Variants in HSPG2 observed in about 807,000 individuals in gnomAD.
HSPG2 encodes basement membrane-specific heparan sulfate proteoglycan core protein.
In HSPG2, 278 loss-of-function variants were observed where a neutral mutation model predicts 526.6. That is an observed-to-expected ratio of 0.53 (90% CI 0.48 to 0.58). The LOEUF is 0.58. Among genes scored for constraint, HSPG2 ranks in the 20% least tolerant of loss-of-function variants. The pLI is 0.00. For synonymous variants in HSPG2, 2,465 were observed against 2,555.4 expected, an observed-to-expected ratio of 0.96 and a Z score of 1.07; for missense variants, 5,354 against 6,099.5, an observed-to-expected ratio of 0.88 and a Z score of 4.07.
At chr1:21,830,448 A>T in intron 85 of HSPG2, 1 of 339,858 alleles carries the variant, frequency 2.9e-6, no homozygotes, top group Non-Finnish European at 5.7e-6. Flanking sequence ...GCACTTTGGG[A>T]GGCCGAGGTG....
Position 21,831,919 on chromosome 1 carries a change from CTGGGGCTGTTCCCG to C in HSPG2, c.11208-137_11208-124del. On this transcript the variant is annotated intron_variant, in intron 81 of 96. Transcript: ENST00000374695. Reference sequence around the variant, plus strand: ...GTCACCACTTCCTGCAGTCCCAGCCCTGGGGCTGTTCCCGTTCCTGTCCCTGTCTTGTCGTCCCT... The same window carrying C: ...GTCACCACTTCCTGCAGTCCCAGCCCTTCCTGTCCCTGTCTTGTCGTCCCT... The C allele has an allele frequency of 7.5e-6, 8 of 1,071,144 alleles. No homozygotes were observed. In the South Asian group the frequency reaches 1.3e-4, roughly 18 times the overall value. 66.4% of individuals were successfully genotyped at this position (1,071,144 alleles called of 1,614,324 possible).
At position 21,876,040 on chromosome 1, in the gene HSPG2, C is replaced by T. The variant is rs1641037643; in HGVS notation, c.3006G>A (p.Val1002=). Reference sequence around the variant, plus strand: ...AGCGCAGCTCTCCTCCATAGGAGGTCACCTGGGACCAGGGTTAGACAGGAG... The same window carrying T: ...AGCGCAGCTCTCCTCCATAGGAGGTTACCTGGGACCAGGGTTAGACAGGAG... ...SLPSRFLGDK[V]TSYGGELRFT... is the part of the protein sequence containing the mutation. Residue 1002 remains valine, a splice_region_variant and synonymous_variant, in exon 24 of 97, where the codon GTG becomes GTA. Coordinates refer to ENST00000374695, the MANE Select transcript of HSPG2 (RefSeq NM_005529.7). The T allele has an allele frequency of 6.2e-7, 1 of 1,613,726 alleles. No individual in the cohort carries two copies. Among genetic ancestry groups the T allele is most frequent in the Non-Finnish European group, 8.5e-7 (1 of 1,179,906 alleles).
At position 21,854,720 on chromosome 1, in the gene HSPG2, G is replaced by A. The variant is rs760998476; in HGVS notation, c.6179C>T (p.Pro2060Leu). ...GAGTGTTTGCCCTTCTGTCACAGAA[G>A]GCGATGAGGACTCAATCTTGACCGG... ...PPPVKIESSSPSVTEGQTLDL... is the reference protein window; with the variant it reads ...PPPVKIESSSLSVTEGQTLDL... Residue 2060 changes from proline to leucine, a missense_variant, in exon 49 of 97, where the codon CCT (proline) becomes CTT (leucine). Pro to Leu is a moderately conservative substitution (Grantham distance 98, BLOSUM62 -3). Transcript: ENST00000374695. 6.2e-7 allele frequency: 1 copy of A among 1,613,546 alleles called. No homozygotes were observed. The highest frequency in any genetic ancestry group is 1.1e-5 in the South Asian group (1 of 90,864).
At chr1:21,906,963 AG>A (rs1643411929) in intron 1 of HSPG2, among the ~76,000 whole-genome samples, 1 of 152,156 alleles carries the variant, frequency 6.6e-6, no homozygotes, top group South Asian at 2.1e-4. Flanking sequence ...AAAAGCCGCA[AG>A]GCCCCATGGA....
At position 21,898,766 on chromosome 1, in the gene HSPG2, G is replaced by A. The variant is rs946915467; in HGVS notation, c.64-2456C>T. The stretch of plus-strand genomic sequence containing the variant: ...AGGGGTCCCCTCAACCTGGTGGGGG[G>A]CTCTGTCAATGCCAATCCCCCTCTC... On this transcript the variant is annotated intron_variant, in intron 1 of 96. Transcript: ENST00000374695. The surrounding 1 kb of genome is among the most constrained non-coding windows in gnomAD (Gnocchi z 4.0). Among the ~76,000 whole-genome samples the A allele has an allele frequency of 6.6e-6, 1 of 152,200 alleles. No homozygotes were observed. Among genetic ancestry groups the A allele is most frequent in the African/African-American group, 2.4e-5 (1 of 41,448 alleles).
intron 95 of HSPG2, 42 bp from the exon 96 acceptor site, chr1:21,823,761 GGTCCTCCCCGGCCCCACGACAGA>G: frequency 6.7e-7 from 1 of 1,502,228 alleles, no homozygotes; most frequent in Non-Finnish European, 9.2e-7. Flanking sequence ...CAAACTTCCT[GGTCCTCCCCGGCCCCACGACAGA>G]GTCCCCTCCC....
chr1:21,827,864 A>G lies in HSPG2; in HGVS notation c.12588T>C (p.Asn4196=), dbSNP rs2097983365. 1.9e-6 allele frequency: 3 copies of G among 1,581,532 alleles called. No homozygotes were observed. Among genetic ancestry groups the G allele is most frequent in the Non-Finnish European group, 2.6e-6 (3 of 1,163,580 alleles). Residue 4196 remains asparagine, a splice_region_variant and synonymous_variant, in exon 91 of 97, where the codon AAT becomes AAC. Transcript: ENST00000374695. ...GAGGAGGCCATGGCAAGTACTCACCATTGCCCCCGCTGCCTTCAAGATGCC... is the reference window on the plus strand; with the variant it reads ...GAGGAGGCCATGGCAAGTACTCACCGTTGCCCCCGCTGCCTTCAAGATGCC... ...SDWHLEGSGG[N]DAPGQYGAYF...
intron 1 of HSPG2, among the ~76,000 whole-genome samples, chr1:21,934,406 A>G (rs72871797): frequency 0.094 from 14,384 of 152,268 alleles, 1,762 homozygotes; most frequent in African/African-American, 0.27. Flanking sequence ...TAAGGCTCAG[A>G]GAGAGGAACT....
chr1:21,891,950 T>G (rs1642394120), intron 3 of HSPG2, among the ~76,000 whole-genome samples: 1 of 152,238 alleles, frequency 6.6e-6, no homozygotes, highest in Non-Finnish European at 1.5e-5. Context: ...ATTTGTGAAT[T>G]CATGTATGTG....
chr1:21,874,548 T>C lies in HSPG2; in HGVS notation c.3529-15A>G, dbSNP rs774115034. 4 of 1,613,490 alleles carry C rather than the reference T, an allele frequency of 2.5e-6. No homozygotes were observed. The highest frequency in any genetic ancestry group is 2.2e-5 in the East Asian group (1 of 44,872). ...TGCTGGCAGCCCTGGAGGAGCAGGA[T>C]GTGAGTTGAGGCTGGGCCTCCAGAG... is the stretch of plus-strand genomic sequence containing the variant. On this transcript the variant is annotated splice_polypyrimidine_tract_variant and intron_variant, in intron 27 of 96. Coordinates refer to ENST00000374695, the MANE Select transcript of HSPG2 (RefSeq NM_005529.7).
chr1:21,856,952 CTA>C, intron 44 of HSPG2, 61 bp downstream of exon 44: 1 of 1,509,246 alleles, frequency 6.6e-7, no homozygotes, highest in Non-Finnish European at 9.2e-7. Context: ...AAATGCTGTG[CTA>C]ATTCTGGTGG....
At chr1:21,908,879 A>G (rs1321641582) in intron 1 of HSPG2, among the ~76,000 whole-genome samples, 1 of 152,198 alleles carries the variant, frequency 6.6e-6, no homozygotes, top group African/African-American at 2.4e-5. Flanking sequence ...TAATTCCAGC[A>G]CTTTGGGACT....
chr1:21,852,862 G>A lies in HSPG2; in HGVS notation c.6592-30C>T, dbSNP rs768729609. 3 of 1,611,398 alleles carry A rather than the reference G, an allele frequency of 1.9e-6. No individual in the cohort carries two copies. The Admixed American group carries it at 5.0e-5, about 27-fold the overall frequency. ...GTGCAAATGGGGTGGGTTGGGAGGG[G>A]GCTGGAACAGTCCCATCCAGCCCCT... On this transcript the variant is annotated intron_variant, in intron 51 of 96. Transcript: ENST00000374695.
At chr1:21,881,874 C>T (rs962512891) in intron 13 of HSPG2, among the ~76,000 whole-genome samples, 7 of 134,774 alleles carry the variant, frequency 5.2e-5, no homozygotes, top group Non-Finnish European at 7.6e-5. Context: ...ACCCGGGAGG[C>T]GGAGGCTGCA....
At chr1:21,888,110 G>T in intron 6 of HSPG2, 44 bp from the exon 7 acceptor site, 4 of 1,611,312 alleles carry the variant, frequency 2.5e-6, no homozygotes, top group Non-Finnish European at 3.4e-6. Context: ...GGCGGCAGGA[G>T]GCAGGTGCGG....
intron 1 of HSPG2, among the ~76,000 whole-genome samples, chr1:21,927,046 G>A (rs929537651): frequency 2.0e-5 from 3 of 152,154 alleles, no homozygotes; most frequent in Non-Finnish European, 4.4e-5. Context: ...GTGGGGAGGT[G>A]GTGGCAGGGA....
chr1:21,838,447 G>A (rs2098035806), intron 74 of HSPG2, among the ~76,000 whole-genome samples: 1 of 152,250 alleles, frequency 6.6e-6, no homozygotes, highest in African/African-American at 2.4e-5. Context: ...CATTTACCCA[G>A]CCCATCCTGG....
At position 21,853,037 on chromosome 1, in the gene HSPG2, G is replaced by A. The variant is rs557371548; in HGVS notation, c.6473C>T (p.Pro2158Leu). 4.3e-5 allele frequency: 69 copies of A among 1,613,948 alleles called. No individual in the cohort carries two copies. The East Asian group carries it at 1.5e-3, about 35-fold the overall frequency. The change falls in exon 51 of 97, where the codon CCC becomes CTC. Residue 2158 changes from proline to leucine, a missense_variant. Transcript: ENST00000374695. ...PGSTRPIRIE[P>L]SSSHVAEGQT... ...CCCTTCCGCCACGTGTGAGGAGGAG[G>A]GCTCGATGCGGATGGGCCGGGTGCT...
At chr1:21,871,516 C>A (rs932288874) in intron 33 of HSPG2, among the ~76,000 whole-genome samples, 6 of 152,148 alleles carry the variant, frequency 3.9e-5, no homozygotes, top group African/African-American at 1.4e-4. Context: ...CCCGCCTCAG[C>A]CTTCCAAAGT....
Sources: gnomAD v4.1 joint callset for allele counts (sites outside exome capture counted in the v4.1 genomes callset) on GRCh38, gnomAD v4.1.1 for gene constraint, Gnocchi (gnomAD v3.1) non-coding constraint, MANE v1.5 for transcripts, NCBI Gene and HGNC (gene_info 2026-07-23, HGNC 2026-07-21) for gene names.